CPNE4: variants seen among roughly 807,000 people sequenced by gnomAD.
The protein encoded by CPNE4 is copine-4.
A neutral mutation model predicts 67.9 loss-of-function variants in CPNE4; 25 were observed. The ratio of observed to expected loss-of-function variants is 0.37; its 90% CI spans 0.27 to 0.51. The LOEUF (loss-of-function observed/expected upper bound fraction) is 0.51. Among genes scored for constraint, CPNE4 ranks in the 20% least tolerant of loss-of-function variants. The pLI, the probability that CPNE4 is intolerant of heterozygous loss-of-function variation, is 0.93. For missense variants in CPNE4, 464 were observed against 690.8 expected (o/e 0.67, Z 3.68); for synonymous variants, 242 against 244.9 (o/e 0.99, Z 0.11).
intron 2 of CPNE4, among the ~76,000 whole-genome samples, chr3:131,856,987 A>G (rs531287698): frequency 7.0e-6 from 1 of 142,284 alleles, no homozygotes; most frequent in African/African-American, 3.1e-5. Flanking sequence ...TATTTTTATT[A>G]ATTATTTCTG....
intron 2 of CPNE4, among the ~76,000 whole-genome samples, chr3:131,838,753 C>T (rs1371753892): frequency 1.3e-5 from 2 of 151,492 alleles, no homozygotes; most frequent in Non-Finnish European, 1.5e-5. Context: ...GGTGATAGGA[C>T]ATCATTTTAA....
At position 131,542,825 on chromosome 3, in the gene CPNE4, G is replaced by A. The variant is rs202137334; in HGVS notation, c.1303-32C>T. The A allele has an allele frequency of 3.4e-4, 497 of 1,454,200 alleles. 1 individual carries two copies. The highest frequency in any genetic ancestry group is 1.2e-3 in the Admixed American group (74 of 59,212). 90.1% of individuals were successfully genotyped at this position (1,454,200 alleles called of 1,614,324 possible). A position where few individuals can be genotyped will look rare whatever the true frequency, so the allele number is the denominator to read the frequency against. On this transcript the variant is annotated intron_variant, in intron 14 of 15. Transcript: ENST00000429747. ...TCAGATGCCCCATGATGATGGGGGG[G>A]GGTGAAGAGGTGAGGGAGACAAGGA...
chr3:131,934,513 A>C (rs1039035500), intron 1 of CPNE4, among the ~76,000 whole-genome samples: 5 of 152,128 alleles, frequency 3.3e-5, no homozygotes, highest in Admixed American at 1.3e-4. Context: ...TGCTGCACCC[A>C]CCAACCCATC....
intron 2 of CPNE4, among the ~76,000 whole-genome samples, chr3:131,878,282 T>A (rs549547814): frequency 6.6e-6 from 1 of 152,264 alleles, no homozygotes; most frequent in African/African-American, 2.4e-5. Context: ...TGGAACAGCA[T>A]ACAGCAATGA....
intron 1 of CPNE4, among the ~76,000 whole-genome samples, chr3:132,020,144 G>A (rs1291384999): frequency 6.6e-6 from 1 of 152,202 alleles, no homozygotes; most frequent in African/African-American, 2.4e-5. Flanking sequence ...GGAGACAAGA[G>A]CTTGTGAAGG....
chr3:131,746,823 T>G (rs1040976504), intron 2 of CPNE4, among the ~76,000 whole-genome samples: 2 of 152,148 alleles, frequency 1.3e-5, no homozygotes, highest in Non-Finnish European at 2.9e-5. Flanking sequence ...GTAGTTCTAT[T>G]TTTAATTTTT....
intron 2 of CPNE4, among the ~76,000 whole-genome samples, chr3:131,744,548 C>A (rs1438207473): frequency 6.6e-6 from 1 of 152,174 alleles, no homozygotes; most frequent in East Asian, 1.9e-4. Flanking sequence ...CCACAAGGAT[C>A]CCTCATGTTG....
chr3:131,725,599 G>A (rs575986406), intron 2 of CPNE4, among the ~76,000 whole-genome samples: 2 of 152,294 alleles, frequency 1.3e-5, no homozygotes, highest in East Asian at 3.9e-4. Flanking sequence ...GCAGGTACAA[G>A]AATTTACTAT....
chr3:131,536,027 A>G (rs1250657877), intron 15 of CPNE4, among the ~76,000 whole-genome samples: 1 of 152,158 alleles, frequency 6.6e-6, no homozygotes, highest in Non-Finnish European at 1.5e-5. Context: ...GGGTAGGGGA[A>G]TGGCATTTGA....
intron 2 of CPNE4, among the ~76,000 whole-genome samples, chr3:131,730,495 C>T (rs2082103106): frequency 1.3e-5 from 2 of 152,218 alleles, no homozygotes; most frequent in Admixed American, 6.5e-5. Context: ...AGTTTTATCC[C>T]TCAAAATTCA....
At chr3:132,005,892 A>G (rs2073589764) in intron 1 of CPNE4, among the ~76,000 whole-genome samples, 1 of 152,116 alleles carries the variant, frequency 6.6e-6, no homozygotes, top group African/African-American at 2.4e-5. Flanking sequence ...TTGAAGTCTA[A>G]CAGAGAAAAC....
At chr3:131,663,867 T>C (rs1409104792) in intron 7 of CPNE4, among the ~76,000 whole-genome samples, 1 of 152,182 alleles carries the variant, frequency 6.6e-6, no homozygotes, top group Admixed American at 6.5e-5. Flanking sequence ...ACTTTGACTT[T>C]GGGGACCTGC....
At chr3:131,779,443 C>A (rs946628644) in intron 2 of CPNE4, among the ~76,000 whole-genome samples, 1 of 152,012 alleles carries the variant, frequency 6.6e-6, no homozygotes, top group Admixed American at 6.6e-5. Flanking sequence ...TACTGCAAAG[C>A]TACAGTAACT....
chr3:131,614,447 C>A (rs548745526), intron 7 of CPNE4, among the ~76,000 whole-genome samples: 1 of 152,248 alleles, frequency 6.6e-6, no homozygotes, highest in East Asian at 1.9e-4. Flanking sequence ...GTTGTGCATC[C>A]TTATTGGACA....
intron 1 of CPNE4, among the ~76,000 whole-genome samples, chr3:131,978,780 C>T (rs572861459): frequency 6.6e-6 from 1 of 150,754 alleles, no homozygotes; most frequent in East Asian, 2.0e-4. Flanking sequence ...GAGGTATGAC[C>T]TTACAGTGTC....
In CPNE4 at chr3:132,034,968, T is replaced by G; in HGVS notation, c.-403A>C. On this transcript the variant is annotated 5_prime_UTR_variant, in exon 1 of 16. Coordinates refer to ENST00000429747, the MANE Select transcript of CPNE4 (RefSeq NM_130808.3). ...GCAGAAAGAGAAGGGGACGAGCGGG[T>G]GGCGGGGAGATGGCAGCTTCTCACA... The G allele has an allele frequency of 2.0e-6, 2 of 985,168 alleles. No individual in the cohort carries two copies. The highest frequency in any genetic ancestry group is 4.7e-5 in the South Asian group (1 of 21,234). 61.0% of individuals were successfully genotyped at this position (985,168 alleles called of 1,614,324 possible).
chr3:131,560,198 C>T (rs965603945), intron 11 of CPNE4, among the ~76,000 whole-genome samples: 3 of 151,872 alleles, frequency 2.0e-5, no homozygotes, highest in African/African-American at 4.8e-5. Flanking sequence ...ATATCTAATC[C>T]TTATAACTGC....
At chr3:131,677,355 C>T (rs758273573) in intron 6 of CPNE4, among the ~76,000 whole-genome samples, 13 of 151,912 alleles carry the variant, frequency 8.6e-5, no homozygotes, top group Non-Finnish European at 1.6e-4. Flanking sequence ...GCACAGTTTG[C>T]AAAAATTTTC....
intron 2 of CPNE4, among the ~76,000 whole-genome samples, chr3:131,725,028 T>A (rs1329710054): frequency 6.6e-6 from 1 of 152,244 alleles, no homozygotes; most frequent in African/African-American, 2.4e-5. Flanking sequence ...CTGGAACCTC[T>A]ATGTACTGTC....
Sources: gnomAD v4.1 joint callset for allele counts (sites outside exome capture counted in the v4.1 genomes callset) on GRCh38, gnomAD v4.1.1 for gene constraint, MANE v1.5 for transcripts, NCBI Gene and HGNC (gene_info 2026-07-23, HGNC 2026-07-21) for gene names.